The following SCFD1 variants were observed in gnomAD, a reference collection of about 807,000 sequenced individuals.
SCFD1 encodes the protein sec1 family domain-containing protein 1.
In SCFD1, 37 loss-of-function variants were observed where a neutral mutation model predicts 103.2. The ratio of observed to expected loss-of-function variants is 0.36; its 90% CI spans 0.28 to 0.47. The LOEUF is 0.47. SCFD1 is among the 20% of genes least tolerant of loss of function. The pLI is 1.00. For synonymous variants in SCFD1, 264 were observed against 245.0 expected (o/e 1.08, Z -0.73); for missense variants, 639 against 761.2 (o/e 0.84, Z 1.89).
intron 10 of SCFD1, chr14:30,653,825 C>G (rs1886629707): frequency 6.6e-6 from 2 of 302,574 alleles, no homozygotes; most frequent in Non-Finnish European, 1.2e-5. Flanking sequence ...TTTTGTTGGC[C>G]ATGGAAAAGA....
intron 10 of SCFD1, among the ~76,000 whole-genome samples, chr14:30,655,018 C>T (rs1732185793): frequency 6.6e-6 from 1 of 152,164 alleles, no homozygotes; most frequent in Admixed American, 6.5e-5. Flanking sequence ...TTTCTAAACC[C>T]TGGCTTCAAT....
In SCFD1 at chr14:30,639,510, G is replaced by A. The variant is rs550507267; in HGVS notation, c.436-267G>A. ...CATTCCCATCACAACCACAATTTAA[G>A]TTCTTGTATCTGCTTAAATTTTGTT... On this transcript the variant is annotated intron_variant, in intron 5 of 24. Transcript: ENST00000458591. Among the ~76,000 whole-genome samples, 6 of 152,200 alleles carry A rather than the reference G, an allele frequency of 3.9e-5. No individual in the cohort carries two copies. In the South Asian group the frequency reaches 1.2e-3, roughly 32 times the overall value.
intron 7 of SCFD1, among the ~76,000 whole-genome samples, chr14:30,644,522 A>C (rs1194713289): frequency 6.6e-6 from 1 of 151,980 alleles, no homozygotes; most frequent in Admixed American, 6.6e-5. Flanking sequence ...TTATTTTTTG[A>C]CTTTTTAATA....
intron 5 of SCFD1, 91 bp from the exon 6 acceptor site, chr14:30,639,686 T>C: frequency 7.7e-7 from 1 of 1,303,038 alleles, no homozygotes; most frequent in Non-Finnish European, 1.0e-6. Flanking sequence ...TTTTTTTCAT[T>C]TCTACCATTG....
chr14:30,734,643 A>G (rs998380950), intron 23 of SCFD1, 147 bp from the exon 24 acceptor site: 4 of 632,940 alleles, frequency 6.3e-6, no homozygotes, highest in African/African-American at 1.8e-5. Flanking sequence ...ATGCAATTTT[A>G]GGTAGATGTG....
chr14:30,641,547 A>G (rs535961460), intron 6 of SCFD1, among the ~76,000 whole-genome samples: 5 of 152,356 alleles, frequency 3.3e-5, no homozygotes, highest in African/African-American at 9.6e-5. Context: ...AAGTGTCTAC[A>G]GATCACTTGT....
At chr14:30,622,311 A>G, upstream of SCFD1, 3 of 1,594,202 alleles carry the variant, frequency 1.9e-6, no homozygotes, top group Non-Finnish European at 2.6e-6. Flanking sequence ...TCCGCTCCCC[A>G]GCCGGGCAGT....
chr14:30,733,773 CCTGGTCATG>C (rs750494691), intron 23 of SCFD1, among the ~76,000 whole-genome samples: 1 of 152,164 alleles, frequency 6.6e-6, no homozygotes, highest in South Asian at 2.1e-4. Flanking sequence ...TGCAGTTGAG[CCTGGTCATG>C]CTGGTCATGC....
chr14:30,725,202 T>G (rs1453675497), intron 23 of SCFD1, among the ~76,000 whole-genome samples: 2 of 152,168 alleles, frequency 1.3e-5, no homozygotes, highest in Non-Finnish European at 2.9e-5. Context: ...TTAAAATAGT[T>G]TTCTCTAGTT....
At chr14:30,693,015 C>T (rs910468100) in intron 14 of SCFD1, among the ~76,000 whole-genome samples, 1 of 152,090 alleles carries the variant, frequency 6.6e-6, no homozygotes, top group Non-Finnish European at 1.5e-5. Flanking sequence ...GTAGGACTTT[C>T]TCATTTCTAG....
chr14:30,646,053 G>A (rs2139077313), intron 7 of SCFD1, among the ~76,000 whole-genome samples: 1 of 151,980 alleles, frequency 6.6e-6, no homozygotes, highest in East Asian at 1.9e-4. Flanking sequence ...TTTAGATGAA[G>A]TCTTGCTCTG....
intron 4 of SCFD1, chr14:30,635,012 G>A (rs1884577739): frequency 2.2e-6 from 1 of 455,082 alleles, no homozygotes; most frequent in African/African-American, 2.0e-5. Flanking sequence ...GCAAGGAAAA[G>A]GAGAAAAGTA....
chr14:30,677,887 C>T (rs1237569427), intron 14 of SCFD1, among the ~76,000 whole-genome samples: 3 of 134,994 alleles, frequency 2.2e-5, no homozygotes, highest in African/African-American at 8.7e-5. Flanking sequence ...GTCACCAGGC[C>T]GGAGTGCAGT....
intron 21 of SCFD1, 65 bp from the exon 22 acceptor site, chr14:30,721,819 A>G (rs1039559122): frequency 9.2e-6 from 12 of 1,303,282 alleles, no homozygotes; most frequent in African/African-American, 2.9e-5. Flanking sequence ...TGTATTTCCC[A>G]TACCTATTTT....
At chr14:30,669,932 T>A in intron 10 of SCFD1, 1 of 188,028 alleles carries the variant, frequency 5.3e-6, no homozygotes, top group Non-Finnish European at 1.1e-5. Flanking sequence ...AAAAAAGATA[T>A]AACATGTACC....
intron 15 of SCFD1, among the ~76,000 whole-genome samples, chr14:30,696,234 G>T (rs1206522462): frequency 6.6e-6 from 1 of 152,136 alleles, no homozygotes; most frequent in Non-Finnish European, 1.5e-5. Flanking sequence ...CATCTGAGAA[G>T]CCATAAGTAT....
chr14:30,650,217 A>G (rs1225998804), intron 8 of SCFD1, among the ~76,000 whole-genome samples: 4 of 152,108 alleles, frequency 2.6e-5, no homozygotes, highest in South Asian at 2.1e-4. Context: ...ACCCAAGTCA[A>G]CGTTTTCTCC....
intron 23 of SCFD1, chr14:30,734,557 C>T (rs1258618465): frequency 8.9e-6 from 4 of 451,404 alleles, no homozygotes; most frequent in Non-Finnish European, 1.6e-5. Flanking sequence ...GAAATGGCAC[C>T]AATAGTATGC....
At chr14:30,655,380 G>A (rs1323401402) in intron 10 of SCFD1, among the ~76,000 whole-genome samples, 1 of 152,114 alleles carries the variant, frequency 6.6e-6, no homozygotes, top group Non-Finnish European at 1.5e-5. Flanking sequence ...AAATAAATAG[G>A]ACCCAGGAAG....
Sources: gnomAD v4.1 joint callset for allele counts (sites outside exome capture counted in the v4.1 genomes callset) on GRCh38, gnomAD v4.1.1 for gene constraint, MANE v1.5 for transcripts, NCBI Gene and HGNC (gene_info 2026-07-23, HGNC 2026-07-21) for gene names.